Variants in GRTP1 observed in about 807,000 individuals in gnomAD.
GRTP1 encodes the protein growth hormone regulated TBC protein 1, also known as growth hormone-regulated TBC protein 1.
A neutral mutation model predicts 38.1 loss-of-function variants in GRTP1; 56 were observed. The observed-to-expected ratio is 1.47, with a 90% CI of 1.19 to 1.84. GRTP1 has a LOEUF of 1.84. GRTP1 is among the 40% of genes most tolerant of loss of function. GRTP1 has a pLI of 0.00. For synonymous variants in GRTP1, 217 were observed against 189.5 expected (o/e 1.14, Z -1.19); for missense variants, 506 against 453.9 (o/e 1.11, Z -1.04).
At chr13:113,333,440 T>C (rs1566418130) in intron 5 of GRTP1, among the ~76,000 whole-genome samples, 1 of 152,320 alleles carries the variant, frequency 6.6e-6, no homozygotes, top group East Asian at 1.9e-4. Context: ...GGAGGGACTG[T>C]GGGATAAGTG....
rs1566437474 is a variant in GRTP1 at position 113,352,256 on chromosome 13, ATATATT to A, written c.341-1289_341-1284del. 8.2e-5 allele frequency among the ~76,000 whole-genome samples: 4 copies of A among 48,656 alleles called. No individual in the cohort carries two copies. The East Asian group carries it at 5.0e-3, about 61-fold the overall frequency. 31.9% of individuals were successfully genotyped at this position (48,656 alleles called of 152,430 possible). A position where few individuals can be genotyped will look rare whatever the true frequency, so the allele number is the denominator to read the frequency against. ...TTTATATATATATTTATATATATTT[ATATATT>A]TTTATATTTTTATATATATTTATAT... On this transcript the variant is annotated intron_variant, in intron 3 of 7. Transcript: ENST00000375431.
At position 113,344,947 on chromosome 13, in the gene GRTP1, T is replaced by C. The variant is rs771539952; in HGVS notation, c.478A>G (p.Ile160Val). 8.8e-6 allele frequency: 14 copies of C among 1,594,786 alleles called. No homozygotes were observed. Among genetic ancestry groups the C allele is most frequent in the Non-Finnish European group, 1.1e-5 (13 of 1,174,524 alleles). Reference sequence around the variant, plus strand: ...GTTATAAGAATCAGATATCCTGCTATAAAATTCATTCCCTGAAATTAGAAA... The same window carrying C: ...GTTATAAGAATCAGATATCCTGCTACAAAATTCATTCCCTGAAATTAGAAA... ...GVGYCQGMNFIAGYLILITNN... is the reference protein window; with the variant it reads ...GVGYCQGMNFVAGYLILITNN... Residue 160 changes from isoleucine (I) to valine (V), a missense_variant, in exon 5 of 8, where the codon ATA becomes GTA. Transcript: ENST00000375431.
Position 113,342,399 on chromosome 13 carries a change from T to C in GRTP1, c.562+2464A>G, listed in dbSNP as rs1566425325. On this transcript the variant is annotated intron_variant, in intron 5 of 7. Transcript: ENST00000375431. This position sits in a 1 kb window ranked among gnomAD's most constrained non-coding sequence, Gnocchi z 4.5. ...GGCGGGCGCCTGTAGTCCCAGCTAC[T>C]CGGGAGGCTGAGGCAGGAGAATGGC... 6.6e-6 allele frequency among the ~76,000 whole-genome samples: 1 copy of C among 151,598 alleles called. No homozygotes were observed. The highest frequency in any genetic ancestry group is 1.5e-5 in the Non-Finnish European group (1 of 67,876).
chr13:113,349,291 C>T lies in GRTP1; in HGVS notation c.465+1558G>A, dbSNP rs1421845296. On this transcript the variant is annotated intron_variant, in intron 4 of 7. Coordinates refer to ENST00000375431, the MANE Select transcript of GRTP1 (RefSeq NM_024719.4). This position sits in a 1 kb window ranked among gnomAD's most constrained non-coding sequence, Gnocchi z 5.0. Reference sequence around the variant, plus strand: ...GCAGGCTTGACCTCCCAGACCCAAACGACCCTCTCACCTCAGCCCCTCGAG... The same window carrying T: ...GCAGGCTTGACCTCCCAGACCCAAATGACCCTCTCACCTCAGCCCCTCGAG... 2.6e-5 allele frequency among the ~76,000 whole-genome samples: 4 copies of T among 151,810 alleles called. No homozygotes were observed. The highest frequency in any genetic ancestry group is 1.9e-4 in the East Asian group (1 of 5,162).
chr13:113,325,510 G>A (rs755396891), intron 7 of GRTP1, 151 bp downstream of exon 7: 29 of 1,500,262 alleles, frequency 1.9e-5, no homozygotes, highest in Non-Finnish European at 2.5e-5. Flanking sequence ...GGCGCAGGGG[G>A]CAGATGCAGG....
rs755950772 is a variant in GRTP1 at position 113,325,849 on chromosome 13, G to A, written c.736-3C>T. 4.4e-5 allele frequency: 71 copies of A among 1,613,802 alleles called. No homozygotes were observed. Among genetic ancestry groups the A allele is most frequent in the Admixed American group, 8.3e-5 (5 of 59,962 alleles). ...CAGTCCCAGATCCGAAGCACTGTCT[G>A]CAGAGACATGGGAACCCGGTGTCAC... On this transcript the variant is annotated splice_polypyrimidine_tract_variant and splice_region_variant and intron_variant, in intron 6 of 7. Transcript: ENST00000375431.
chr13:113,327,965 C>A (rs2042799496), intron 5 of GRTP1, among the ~76,000 whole-genome samples: 1 of 152,214 alleles, frequency 6.6e-6, no homozygotes, highest in Non-Finnish European at 1.5e-5. Flanking sequence ...TAAACTCCAC[C>A]AGGCTGAGCC....
At chr13:113,333,360 A>C (rs1234243445) in intron 5 of GRTP1, among the ~76,000 whole-genome samples, 1 of 152,164 alleles carries the variant, frequency 6.6e-6, no homozygotes, top group Non-Finnish European at 1.5e-5. Context: ...AGTCAGGAAG[A>C]TGGGATCCAG....
At chr13:113,347,822 G>A (rs1439865325) in intron 4 of GRTP1, among the ~76,000 whole-genome samples, 2 of 143,664 alleles carry the variant, frequency 1.4e-5, no homozygotes, top group African/African-American at 2.7e-5. Context: ...GGACCTCTGT[G>A]GCAGAGAGCA....
At chr13:113,326,414 A>C (rs1410769773) in intron 5 of GRTP1, among the ~76,000 whole-genome samples, 1 of 114,470 alleles carries the variant, frequency 8.7e-6, no homozygotes, top group Non-Finnish European at 1.8e-5. Context: ...TCACACCTGT[A>C]ATCCCAGCAC....
chr13:113,325,389 TC>T (rs1270600351), intron 7 of GRTP1: 11 of 1,431,514 alleles, frequency 7.7e-6, no homozygotes, highest in Non-Finnish European at 1.0e-5. Context: ...AAGCCACACT[TC>T]TGGCACCACA....
chr13:113,356,508 C>T (rs1380937583), intron 2 of GRTP1, among the ~76,000 whole-genome samples: 10 of 152,198 alleles, frequency 6.6e-5, no homozygotes, highest in South Asian at 2.1e-4. Flanking sequence ...CCTCATGATC[C>T]GCCCACCTCG....
chr13:113,354,059 G>C (rs1333145874), intron 3 of GRTP1, among the ~76,000 whole-genome samples: 1 of 152,122 alleles, frequency 6.6e-6, no homozygotes, highest in Non-Finnish European at 1.5e-5. Flanking sequence ...CTGGGTAACA[G>C]ACTGACACCT....
chr13:113,351,126 G>A (rs1430224501), intron 3 of GRTP1, 153 bp from the exon 4 acceptor site: 16 of 417,512 alleles, frequency 3.8e-5, no homozygotes, highest in Admixed American at 6.4e-5. Flanking sequence ...CAGCCAGAGC[G>A]ACAGGCTCAC....
At chr13:113,347,868 G>A (rs1021467497) in intron 4 of GRTP1, among the ~76,000 whole-genome samples, 15 of 146,930 alleles carry the variant, frequency 1.0e-4, no homozygotes, top group Non-Finnish European at 1.6e-4. Context: ...GAACAGATCC[G>A]GGAGGACCTC....
chr13:113,363,064 A>G (rs994429323), intron 2 of GRTP1, among the ~76,000 whole-genome samples: 1 of 152,160 alleles, frequency 6.6e-6, no homozygotes, highest in African/African-American at 2.4e-5. Flanking sequence ...AGAAATGAGG[A>G]GGTGCCCTCC....
chr13:113,337,706 CCA>C (rs2042972938), intron 5 of GRTP1, among the ~76,000 whole-genome samples: 2 of 152,232 alleles, frequency 1.3e-5, no homozygotes, highest in South Asian at 4.1e-4. Context: ...GTTCCTGACC[CCA>C]GAGACCAGCC....
Position 113,325,581 on chromosome 13 carries a change from G to A in GRTP1, c.921+80C>T, listed in dbSNP as rs534566350. ...CTGGTGCCCGTCCTGTGCACCCTCC[G>A]GGTGGTCAGAGCAGCCCCCGGGCTG... On this transcript the variant is annotated intron_variant, in intron 7 of 7. Transcript: ENST00000375431. 7.6e-5 allele frequency: 123 copies of A among 1,607,986 alleles called. No homozygotes were observed. In the African/African-American group the frequency reaches 1.3e-3, roughly 17 times the overall value.
chr13:113,324,383 A>C lies in GRTP1; in HGVS notation c.*105T>G. ...TCACAACTAAAGTGTAGTGATGTCA[A>C]GTATTTACAACACTAAAAAGGAAAG... On this transcript the variant is annotated 3_prime_UTR_variant, in exon 8 of 8. Coordinates refer to ENST00000375431, the MANE Select transcript of GRTP1 (RefSeq NM_024719.4). The C allele has an allele frequency of 1.4e-6, 2 of 1,385,392 alleles. No individual in the cohort carries two copies. The highest frequency in any genetic ancestry group is 1.9e-6 in the Non-Finnish European group (2 of 1,064,480). The allele number at this position is 1,385,392 out of a possible 1,614,324, so 85.8% of individuals were successfully genotyped here. A position where few individuals can be genotyped will look rare whatever the true frequency, so the allele number is the denominator to read the frequency against.
Sources: gnomAD v4.1 joint callset for allele counts (sites outside exome capture counted in the v4.1 genomes callset) on GRCh38, gnomAD v4.1.1 for gene constraint, Gnocchi (gnomAD v3.1) non-coding constraint, MANE v1.5 for transcripts, NCBI Gene and HGNC (gene_info 2026-07-23, HGNC 2026-07-21) for gene names.